Variants in ATG3 observed in about 807,000 individuals in gnomAD.
The protein encoded by ATG3 is autophagy related 3.
Under a neutral mutation model 50.7 loss-of-function variants are expected in ATG3, and 25 were observed. That is an observed-to-expected ratio of 0.49 (90% CI 0.36 to 0.69). ATG3 has a LOEUF of 0.69. ATG3 is among the 30% of genes least tolerant of loss of function. The pLI is 0.00. For missense variants in ATG3, 281 were observed against 376.0 expected (o/e 0.75, Z 2.09); for synonymous variants, 119 against 125.5 (o/e 0.95, Z 0.34).
At chr3:112,538,312 A>G in intron 7 of ATG3, 132 bp from the exon 8 acceptor site, 1 of 660,410 alleles carries the variant, frequency 1.5e-6, no homozygotes, top group Admixed American at 3.4e-5. Flanking sequence ...AAGATATTGA[A>G]TAGATAGATA....
In ATG3 at chr3:112,548,625, C is replaced by T. The variant is rs756148931; in HGVS notation, c.251G>A (p.Arg84Gln). The change falls in exon 5 of 12, where the codon CGG becomes CAG. Residue 84 changes from arginine to glutamine, a missense_variant. This residue lies in a region of ATG3 where 242 missense variants were observed against 305.0 expected (regional missense o/e 0.79). Coordinates refer to ENST00000283290, the MANE Select transcript of ATG3 (RefSeq NM_022488.5). ...LVTKNVPCYK[R>Q]CKQMEYSDEL... ...ATCTGAATATTCCATCTGTTTGCAC[C>T]GCTTATAGCACGGCACTATAAAAAA... 6.2e-6 allele frequency: 10 copies of T among 1,613,602 alleles called. No homozygotes were observed. Among genetic ancestry groups the T allele is most frequent in the African/African-American group, 1.3e-5 (1 of 74,846 alleles).
intron 5 of ATG3, among the ~76,000 whole-genome samples, chr3:112,547,058 C>A (rs1051859163): frequency 2.6e-5 from 4 of 152,118 alleles, no homozygotes; most frequent in African/African-American, 9.7e-5. Context: ...GGAACTTTTA[C>A]CTGGGCAGAT....
chr3:112,548,435 A>C (rs1200438483), intron 5 of ATG3, 98 bp downstream of exon 5: 1 of 1,064,990 alleles, frequency 9.4e-7, no homozygotes, highest in Non-Finnish European at 1.4e-6. Flanking sequence ...GGACAAAACT[A>C]TGCCTTATGT....
intron 5 of ATG3, among the ~76,000 whole-genome samples, chr3:112,545,590 A>G (rs950395078): frequency 2.0e-5 from 3 of 152,226 alleles, no homozygotes; most frequent in Admixed American, 6.5e-5. Flanking sequence ...ATTACTATAT[A>G]ATAGGTATGA....
chr3:112,543,180 A>ATT (rs1035145697), intron 6 of ATG3, among the ~76,000 whole-genome samples: 27 of 152,268 alleles, frequency 1.8e-4, no homozygotes, highest in African/African-American at 6.5e-4. Flanking sequence ...CAAAAGTGTC[A>ATT]TAAGACTAGG....
At chr3:112,544,625 G>C (rs1040154655) in intron 5 of ATG3, among the ~76,000 whole-genome samples, 10 of 129,288 alleles carry the variant, frequency 7.7e-5, no homozygotes, top group Non-Finnish European at 1.4e-4. Context: ...TTGCACTCCA[G>C]CCTGGGCGAC....
chr3:112,540,028 G>A (rs970416911), intron 7 of ATG3, among the ~76,000 whole-genome samples: 1 of 152,148 alleles, frequency 6.6e-6, no homozygotes, highest in African/African-American at 2.4e-5. Flanking sequence ...GAGACATCCA[G>A]GGGGAAATGA....
intron 2 of ATG3, among the ~76,000 whole-genome samples, chr3:112,556,787 T>C (rs1405188878): frequency 2.0e-5 from 3 of 151,890 alleles, no homozygotes; most frequent in South Asian, 4.2e-4. Context: ...GGATTAAGGG[T>C]GGTGCAAGAT....
At chr3:112,532,928 C>G in intron 11 of ATG3, 148 bp from the exon 12 acceptor site, 1 of 1,301,062 alleles carries the variant, frequency 7.7e-7, no homozygotes, top group Non-Finnish European at 9.8e-7. Flanking sequence ...TTCAACTATG[C>G]AAATTTGTGT....
intron 1 of ATG3, among the ~76,000 whole-genome samples, chr3:112,561,246 C>T (rs1576734090): frequency 1.3e-5 from 2 of 152,326 alleles, no homozygotes; most frequent in East Asian, 3.9e-4. Context: ...ACACGCAGAG[C>T]GTCGCTCCAA....
chr3:112,557,161 G>T (rs867966679), intron 2 of ATG3, among the ~76,000 whole-genome samples: 2 of 135,584 alleles, frequency 1.5e-5, no homozygotes, highest in Non-Finnish European at 3.2e-5. Flanking sequence ...TTTTTCAGAC[G>T]GAGTCTCGTT....
intron 2 of ATG3, among the ~76,000 whole-genome samples, chr3:112,557,242 G>A (rs561003099): frequency 1.1e-3 from 162 of 151,416 alleles, no homozygotes; most frequent in African/African-American, 3.6e-3. Flanking sequence ...TAGTAGAGAC[G>A]GGGTTTCGCC....
chr3:112,555,441 T>C (rs1427776613), intron 2 of ATG3, among the ~76,000 whole-genome samples: 2 of 152,242 alleles, frequency 1.3e-5, no homozygotes, highest in African/African-American at 2.4e-5. Flanking sequence ...TATTTACACC[T>C]TGGTGAGCAA....
At chr3:112,537,939 T>A (rs1255972477) in intron 8 of ATG3, 49 bp from the exon 9 acceptor site, 2 of 1,496,068 alleles carry the variant, frequency 1.3e-6, no homozygotes, top group Admixed American at 4.4e-5. Context: ...TCGGTATGAA[T>A]GTGACATTCT....
intron 7 of ATG3, among the ~76,000 whole-genome samples, chr3:112,540,899 TG>T (rs1933206124): frequency 6.6e-6 from 1 of 152,192 alleles, no homozygotes. Context: ...AGGTTTCAAA[TG>T]TATTGAAAAA....
intron 1 of ATG3, 105 bp from the exon 2 acceptor site, chr3:112,558,522 C>A: frequency 1.2e-6 from 1 of 847,216 alleles, no homozygotes; most frequent in Admixed American, 2.2e-5. Flanking sequence ...CAATAGAGCA[C>A]ATACAAAAAA....
chr3:112,532,579 C>T lies in ATG3; in HGVS notation c.*120G>A. On this transcript the variant is annotated 3_prime_UTR_variant, in exon 12 of 12. Coordinates refer to ENST00000283290, the MANE Select transcript of ATG3 (RefSeq NM_022488.5). ...AACATATTTTTATTTAATGCATAAA[C>T]ATATAAGTCCCTTATTAGAGAAACT... The T allele has an allele frequency of 1.6e-6, 1 of 633,852 alleles. No homozygotes were observed. Among genetic ancestry groups the T allele is most frequent in the East Asian group, 3.3e-5 (1 of 30,380 alleles). 39.3% of individuals were successfully genotyped at this position (633,852 alleles called of 1,614,324 possible). A position where few individuals can be genotyped will look rare whatever the true frequency, so the allele number is the denominator to read the frequency against.
chr3:112,557,193 A>AGT (rs773529418), intron 2 of ATG3, among the ~76,000 whole-genome samples: 17 of 151,200 alleles, frequency 1.1e-4, no homozygotes, highest in Admixed American at 2.6e-4. Context: ...GCTGGACTAC[A>AGT]GGCGCCCACC....
At position 112,554,914 on chromosome 3, in the gene ATG3, T is replaced by G. The variant is rs1018444289; in HGVS notation, c.115-1585A>C. Among the ~76,000 whole-genome samples the G allele has an allele frequency of 3.3e-5, 5 of 152,184 alleles. No individual in the cohort carries two copies. The East Asian group carries it at 9.6e-4, about 29-fold the overall frequency. The stretch of plus-strand genomic sequence containing the variant: ...TTTTACTTCGAATAACCTTATTATT[T>G]AAACAGCCTAAGTAAAGACAAAAAC... On this transcript the variant is annotated intron_variant, in intron 2 of 11. Transcript: ENST00000283290.
Sources: gnomAD v4.1 joint callset for allele counts (sites outside exome capture counted in the v4.1 genomes callset) on GRCh38, gnomAD v4.1.1 for gene constraint, gnomAD v4.1.1 regional missense constraint, MANE v1.5 for transcripts, NCBI Gene and HGNC (gene_info 2026-07-23, HGNC 2026-07-21) for gene names.